The following FGF14 variants were observed in gnomAD, a reference collection of about 807,000 sequenced individuals.
FGF14 encodes fibroblast growth factor homologous factor 4.
In FGF14, 5 loss-of-function variants were observed where a neutral mutation model predicts 25.5. The observed-to-expected ratio is 0.20, with a 90% CI of 0.10 to 0.41. FGF14 has a LOEUF of 0.41. FGF14 is among the 10% of genes least tolerant of loss of function. FGF14 has a pLI of 1.00. For missense variants in FGF14, 222 were observed against 320.1 expected, an observed-to-expected ratio of 0.69 and a Z score of 2.34; for synonymous variants, 138 against 118.3, an observed-to-expected ratio of 1.17 and a Z score of -1.08.
intron 1 of FGF14, among the ~76,000 whole-genome samples, chr13:102,085,300 G>A (rs2043843742): frequency 6.6e-6 from 1 of 152,136 alleles, no homozygotes; most frequent in African/African-American, 2.4e-5. Context: ...CTCCAGGTAT[G>A]TGCCAGGCAT....
chr13:102,271,422 G>C (rs2053240200), intron 1 of FGF14, among the ~76,000 whole-genome samples: 1 of 151,984 alleles, frequency 6.6e-6, no homozygotes, highest in African/African-American at 2.4e-5. Flanking sequence ...ATAACTCTGA[G>C]CCACGCACCT....
chr13:101,909,039 A>T (rs372779206), intron 1 of FGF14, among the ~76,000 whole-genome samples: 15 of 152,248 alleles, frequency 9.9e-5, no homozygotes, highest in South Asian at 2.1e-4. Context: ...GCTAGCCATA[A>T]GTAGAAAGCT....
chr13:102,104,629 C>T (rs2044817194), intron 1 of FGF14, among the ~76,000 whole-genome samples: 1 of 151,992 alleles, frequency 6.6e-6, no homozygotes, highest in Admixed American at 6.6e-5. Context: ...TACACACACA[C>T]ACACAAATTA....
In FGF14 at chr13:101,719,217, A is replaced by ACAAC. The variant is rs1020778066; in HGVS notation, c.*3610_*3613dup. 6.6e-6 allele frequency: 1 copy of ACAAC among 152,144 alleles called. No homozygotes were observed. The highest frequency in any genetic ancestry group is 1.5e-5 in the Non-Finnish European group (1 of 68,010). The allele number at this position is 152,144 out of a possible 1,614,324, so 9.4% of individuals were successfully genotyped here. On this transcript the variant is annotated 3_prime_UTR_variant, in exon 5 of 5. Coordinates refer to ENST00000376143, the MANE Select transcript of FGF14 (RefSeq NM_004115.4). Reference sequence around the variant, plus strand: ...AAGTTTTTGGTTTTTGCTTTTAAAGACAACCAAATCTGATATTGTTCATCC... The same window carrying ACAAC: ...AAGTTTTTGGTTTTTGCTTTTAAAGACAACCAACCAAATCTGATATTGTTCATCC...
At chr13:102,017,470 T>C (rs1356172015) in intron 1 of FGF14, among the ~76,000 whole-genome samples, 1 of 152,198 alleles carries the variant, frequency 6.6e-6, no homozygotes, top group East Asian at 1.9e-4. Context: ...TGTCCAGTGA[T>C]AAGTCTGCTG....
chr13:102,221,027 T>C (rs1207184672), intron 1 of FGF14, among the ~76,000 whole-genome samples: 1 of 152,248 alleles, frequency 6.6e-6, no homozygotes, highest in Non-Finnish European at 1.5e-5. Context: ...TAGGTTATGG[T>C]AGCATTAACA....
At chr13:101,911,756 C>A (rs1330365888) in intron 1 of FGF14, among the ~76,000 whole-genome samples, 6 of 152,000 alleles carry the variant, frequency 3.9e-5, no homozygotes, top group African/African-American at 1.5e-4. Flanking sequence ...AACCTTAATA[C>A]AACTAACAAA....
intron 1 of FGF14, among the ~76,000 whole-genome samples, chr13:102,302,209 T>C (rs1408326231): frequency 6.6e-6 from 1 of 152,202 alleles, no homozygotes; most frequent in Non-Finnish European, 1.5e-5. Flanking sequence ...GAGCATTGAA[T>C]GGAGTGCCAG....
chr13:101,845,653 T>C (rs1264926878), intron 3 of FGF14, among the ~76,000 whole-genome samples: 1 of 151,942 alleles, frequency 6.6e-6, no homozygotes, highest in Non-Finnish European at 1.5e-5. Context: ...GGAGATAATC[T>C]TAGACTTGTA....
At chr13:102,306,337 A>G (rs979002127) in intron 1 of FGF14, among the ~76,000 whole-genome samples, 1 of 152,182 alleles carries the variant, frequency 6.6e-6, no homozygotes, top group Non-Finnish European at 1.5e-5. Context: ...GCAGCTCATG[A>G]TCAGTGGGAG....
At position 102,324,790 on chromosome 13, in the gene FGF14, T is replaced by C. The variant is rs16960063; in HGVS notation, c.208+76681A>G. On this transcript the variant is annotated intron_variant, in intron 1 of 4. Coordinates refer to the FGF14 transcript ENST00000376131. ...TGTTTTTCTCTATTAAAGACAGATA[T>C]TGCATTTTTATATGAGAAGATCTGT... 9.7e-3 allele frequency among the ~76,000 whole-genome samples: 1,473 copies of C among 152,328 alleles called. 23 individuals are homozygous for C. Among genetic ancestry groups the C allele is most frequent in the African/African-American group, 0.033 (1,375 of 41,572 alleles).
intron 1 of FGF14, among the ~76,000 whole-genome samples, chr13:102,064,543 T>G (rs1427901390): frequency 6.6e-6 from 1 of 151,822 alleles, no homozygotes; most frequent in East Asian, 1.9e-4. Flanking sequence ...ACAATATAAA[T>G]ATATATTATA....
intron 3 of FGF14, among the ~76,000 whole-genome samples, chr13:101,743,129 A>G (rs1252659448): frequency 6.6e-6 from 1 of 152,188 alleles, no homozygotes; most frequent in Non-Finnish European, 1.5e-5. Context: ...TAAAATGTAT[A>G]AAACCAAGTT....
At chr13:102,195,791 C>CAA (rs1161228618) in intron 1 of FGF14, among the ~76,000 whole-genome samples, 16 of 59,890 alleles carry the variant, frequency 2.7e-4, no homozygotes, top group South Asian at 6.6e-4. Flanking sequence ...GACCCAGTCT[C>CAA]AAAAAAAAAA....
chr13:102,327,253 T>C (rs2056484691), intron 1 of FGF14, among the ~76,000 whole-genome samples: 1 of 152,240 alleles, frequency 6.6e-6, no homozygotes, highest in African/African-American at 2.4e-5. Context: ...GCTTCTCACA[T>C]TTGGCTGGTT....
intron 1 of FGF14, among the ~76,000 whole-genome samples, chr13:102,370,882 G>A (rs1180616396): frequency 6.7e-6 from 1 of 149,420 alleles, no homozygotes; most frequent in Non-Finnish European, 1.5e-5. Flanking sequence ...AACACACATA[G>A]TTCACATACA....
chr13:102,161,570 A>AG lies in FGF14; in HGVS notation c.208+239900_208+239901insC, dbSNP rs1555369390. 8.9e-3 allele frequency among the ~76,000 whole-genome samples: 50 copies of AG among 5,646 alleles called. 6 individuals carry two copies. The highest frequency in any genetic ancestry group is 0.016 in the South Asian group (2 of 128). The allele number at this position is 5,646 out of a possible 152,430, so 3.7% of individuals were successfully genotyped here. A position where few individuals can be genotyped will look rare whatever the true frequency, so the allele number is the denominator to read the frequency against. On this transcript the variant is annotated intron_variant, in intron 1 of 4. Transcript: ENST00000376131. Reference sequence around the variant, plus strand: ...TCTATGCAACCAACTTTCTGTGAAGAAAGAAAGAAGAAGAAGAAGAAGAAG... The same window carrying AG: ...TCTATGCAACCAACTTTCTGTGAAGAGAAGAAAGAAGAAGAAGAAGAAGAAG...
At chr13:102,036,159 T>G (rs2041462904) in intron 1 of FGF14, among the ~76,000 whole-genome samples, 1 of 152,234 alleles carries the variant, frequency 6.6e-6, no homozygotes, top group African/African-American at 2.4e-5. Context: ...TGAGGCTCAC[T>G]GAAGCCTGAA....
intron 1 of FGF14, among the ~76,000 whole-genome samples, chr13:102,067,797 A>G (rs529118851): frequency 1.3e-5 from 2 of 152,218 alleles, no homozygotes; most frequent in South Asian, 4.2e-4. Context: ...TCAATACTCA[A>G]GTACAAGAAG....
Sources: gnomAD v4.1 joint callset for allele counts (sites outside exome capture counted in the v4.1 genomes callset) on GRCh38, gnomAD v4.1.1 for gene constraint, MANE v1.5 for transcripts, NCBI Gene and HGNC (gene_info 2026-07-23, HGNC 2026-07-21) for gene names.